The following MTR variants were observed in gnomAD, a reference collection of about 807,000 sequenced individuals.
MTR encodes the protein 5-methyltetrahydrofolate-homocysteine methyltransferase.
In MTR, 84 loss-of-function variants were observed where a neutral mutation model predicts 154.8. That is an observed-to-expected ratio of 0.54 (90% CI 0.45 to 0.65). The LOEUF is 0.65. MTR is among the 30% of genes least tolerant of loss of function. The probability of loss-of-function intolerance (pLI) is 0.00; values close to 1 mark genes in which losing one functional copy is unlikely to be tolerated. For synonymous variants in MTR, 554 were observed against 553.9 expected, an observed-to-expected ratio of 1.00 and a Z score of 0.00; for missense variants, 1,275 against 1,570.2, an observed-to-expected ratio of 0.81 and a Z score of 3.18.
At position 236,838,549 on chromosome 1, in the gene MTR, A is replaced by T; in HGVS notation, c.1465A>T (p.Lys489Ter). ...DDFLEKARKI[K>*]KYGAAMVVMA... is the part of the protein sequence containing the mutation. ...CTTCTTGGAGAAGGCCAGGAAGATT[A>T]AAAAGTATGGAGCTGCTATGGTGGT... Residue 489 changes from lysine (K) to a stop codon, truncating the protein, a stop_gained, in exon 15 of 33, where the codon AAA becomes TAA. Coordinates refer to ENST00000366577, the MANE Select transcript of MTR (RefSeq NM_000254.3). LOFTEE classifies it high-confidence loss of function. 3 of 1,614,150 alleles carry T rather than the reference A, an allele frequency of 1.9e-6. No individual in the cohort carries two copies. The highest frequency in any genetic ancestry group is 2.5e-6 in the Non-Finnish European group (3 of 1,180,012).
intron 18 of MTR, among the ~76,000 whole-genome samples, chr1:236,857,761 G>A (rs960798579): frequency 6.6e-6 from 1 of 152,170 alleles, no homozygotes; most frequent in Non-Finnish European, 1.5e-5. Context: ...CTGTGAGAGG[G>A]GAAGTGCAGG....
At chr1:236,857,696 C>T (rs1034192972) in intron 18 of MTR, among the ~76,000 whole-genome samples, 12 of 152,198 alleles carry the variant, frequency 7.9e-5, no homozygotes, top group African/African-American at 2.7e-4. Context: ...GAGCCTACAG[C>T]TCAGTGATAC....
rs756296008 is a variant in MTR, at chr1:236,825,413, C to T, written c.927+14C>T. The T allele has an allele frequency of 6.3e-7, 1 of 1,596,390 alleles. No individual in the cohort carries two copies. On this transcript the variant is annotated intron_variant, in intron 10 of 32. Coordinates refer to ENST00000366577, the MANE Select transcript of MTR (RefSeq NM_000254.3). ...AAGCACCTAAAGGTCAGGGGTCCCCCTTTCACTGGCTTTTTAAGAGAGACA... is the reference window on the plus strand; with the variant it reads ...AAGCACCTAAAGGTCAGGGGTCCCCTTTTCACTGGCTTTTTAAGAGAGACA...
At chr1:236,862,413 G>A in intron 21 of MTR, 70 bp downstream of exon 21, 1 of 1,254,358 alleles carries the variant, frequency 8.0e-7, no homozygotes. Flanking sequence ...GGTGGTAGGG[G>A]CCTAAGCAGT....
At chr1:236,847,409 A>C (rs561770445) in intron 15 of MTR, among the ~76,000 whole-genome samples, 5 of 152,326 alleles carry the variant, frequency 3.3e-5, no homozygotes, top group African/African-American at 9.6e-5. Context: ...TGACCAAATC[A>C]AAAATTGTTT....
Position 236,895,448 on chromosome 1 carries a change from C to A in MTR, c.3496C>A (p.Leu1166Met), listed in dbSNP as rs12030699. 6.9e-6 allele frequency: 11 copies of A among 1,600,994 alleles called. No homozygotes were observed. In the South Asian group the frequency reaches 1.2e-4, roughly 18 times the overall value. The change falls in exon 31 of 33, where the codon CTG becomes ATG. Residue 1166 changes from leucine to methionine, a missense_variant. By Grantham distance (15) the Leu-to-Met change is conservative. Coordinates refer to ENST00000366577, the MANE Select transcript of MTR (RefSeq NM_000254.3). ...EQLDVADLRR[L>M]RYKGIRPAPG... The stretch of plus-strand genomic sequence containing the variant: ...GCTGGACGTCGCAGACCTGCGCAGG[C>A]TGCGGTACAAGGGCATCCGCCCGGC...
intron 4 of MTR, 103 bp downstream of exon 4, chr1:236,808,876 T>TA: frequency 4.0e-6 from 4 of 1,004,130 alleles, no homozygotes; most frequent in Middle Eastern, 2.0e-4. Flanking sequence ...GCCTTTGGCT[T>TA]ACGAGTAACA....
rs373917526 is a variant in MTR at position 236,850,827 on chromosome 1, G to T, written c.1695+304G>T. Among the ~76,000 whole-genome samples the T allele has an allele frequency of 4.6e-5, 7 of 152,112 alleles. No individual in the cohort carries two copies. In the East Asian group the frequency reaches 7.7e-4, roughly 17 times the overall value. The stretch of plus-strand genomic sequence containing the variant: ...AGCCTGGGCGACAGAGTGAGGCCCT[G>T]CCTTGAACAAAATGATGCAAAACAA... On this transcript the variant is annotated intron_variant, in intron 16 of 32. Coordinates refer to ENST00000366577, the MANE Select transcript of MTR (RefSeq NM_000254.3).
intron 22 of MTR, among the ~76,000 whole-genome samples, chr1:236,871,601 G>A (rs142784990): frequency 1.1e-3 from 173 of 152,064 alleles, no homozygotes; most frequent in African/African-American, 4.0e-3. Flanking sequence ...ATATGTGACA[G>A]TCTATGCTTA....
intron 1 of MTR, chr1:236,800,198 C>T: frequency 1.0e-6 from 1 of 985,376 alleles, no homozygotes; most frequent in Non-Finnish European, 1.2e-6. Context: ...GGAAGAAGGA[C>T]ATGTAAATAA....
rs1019006526 is a variant in MTR at position 236,903,981 on chromosome 1, A to T, written c.*6337A>T. On this transcript the variant is annotated 3_prime_UTR_variant, in exon 33 of 33. Transcript: ENST00000366577. Reference sequence around the variant, plus strand: ...CATTAATTAAAAATATTTTAACCTGATATGATAGATTGTTGAATTTTTAAA... The same window carrying T: ...CATTAATTAAAAATATTTTAACCTGTTATGATAGATTGTTGAATTTTTAAA... 19 of 152,196 alleles carry T rather than the reference A, an allele frequency of 1.2e-4. No individual in the cohort carries two copies. Among genetic ancestry groups the T allele is most frequent in the Admixed American group, 9.2e-4 (14 of 15,288 alleles). 9.4% of individuals were successfully genotyped at this position (152,196 alleles called of 1,614,324 possible). A position where few individuals can be genotyped will look rare whatever the true frequency, so the allele number is the denominator to read the frequency against.
intron 1 of MTR, among the ~76,000 whole-genome samples, chr1:236,798,593 C>T (rs1030288555): frequency 6.6e-6 from 1 of 152,200 alleles, no homozygotes; most frequent in Non-Finnish European, 1.5e-5. Flanking sequence ...TGGGACTCTC[C>T]TCTGCACTGC....
At chr1:236,829,980 T>C (rs982037491) in intron 12 of MTR, among the ~76,000 whole-genome samples, 1 of 152,240 alleles carries the variant, frequency 6.6e-6, no homozygotes, top group Non-Finnish European at 1.5e-5. Flanking sequence ...TGAGGAATTA[T>C]GTTCCCTAAT....
chr1:236,880,573 A>G (rs914713306), intron 24 of MTR, among the ~76,000 whole-genome samples, 182 bp from the exon 25 acceptor site: 1 of 152,212 alleles, frequency 6.6e-6, no homozygotes, highest in African/African-American at 2.4e-5. Flanking sequence ...ATCTTAGGGT[A>G]GGGAAAAAGT....
At position 236,861,267 on chromosome 1, in the gene MTR, TTC is replaced by T; in HGVS notation, c.2188_2189del (p.Leu730ThrfsTer32). 6.2e-7 allele frequency: 1 copy of T among 1,613,968 alleles called. No individual in the cohort carries two copies. Among genetic ancestry groups the T allele is most frequent in the East Asian group, 2.2e-5 (1 of 44,844 alleles). On this transcript the variant is annotated frameshift_variant, in exon 20 of 33. Coordinates refer to ENST00000366577, the MANE Select transcript of MTR (RefSeq NM_000254.3). LOFTEE classifies it high-confidence loss of function. ...GATCTTTTTGGAGCTGGAAAAATGT[TTC>T]TACCTCAGGTTAGCAAAATATGGGG...
rs60444984 is a variant in MTR at position 236,838,273 on chromosome 1, T to G, written c.1330-141T>G. Reference sequence around the variant, plus strand: ...ATTTTGGGCTTAAAGAACAAGTATATTAAAATTCTATCTCTGACATACTAC... The same window carrying G: ...ATTTTGGGCTTAAAGAACAAGTATAGTAAAATTCTATCTCTGACATACTAC... On this transcript the variant is annotated intron_variant, in intron 14 of 32. Coordinates refer to ENST00000366577, the MANE Select transcript of MTR (RefSeq NM_000254.3). The G allele has an allele frequency of 1.6e-3, 1,340 of 846,804 alleles. 14 individuals are homozygous for G. In the African/African-American group the frequency reaches 0.02, roughly 13 times the overall value. The allele number at this position is 846,804 out of a possible 1,614,324, so 52.5% of individuals were successfully genotyped here. A position where few individuals can be genotyped will look rare whatever the true frequency, so the allele number is the denominator to read the frequency against.
chr1:236,854,482 A>G (rs893063141), intron 18 of MTR, among the ~76,000 whole-genome samples: 36 of 152,190 alleles, frequency 2.4e-4, no homozygotes, highest in African/African-American at 8.4e-4. Flanking sequence ...TTCTTTGAAC[A>G]TTGAGACATG....
chr1:236,856,696 G>T (rs946735661), intron 18 of MTR, among the ~76,000 whole-genome samples: 1 of 151,692 alleles, frequency 6.6e-6, no homozygotes, highest in Non-Finnish European at 1.5e-5. Flanking sequence ...CCAACCCCCC[G>T]ACAGGCCCTG....
intron 28 of MTR, among the ~76,000 whole-genome samples, chr1:236,890,686 A>G (rs528036753): frequency 1.1e-4 from 17 of 152,296 alleles, no homozygotes; most frequent in African/African-American, 3.1e-4. Context: ...CAAAATGTCA[A>G]TCGTTACGAA....
Sources: allele counts gnomAD v4.1 joint callset (sites outside exome capture counted in the v4.1 genomes callset), GRCh38; gene constraint gnomAD v4.1.1; transcripts MANE v1.5; gene names NCBI Gene and HGNC (gene_info 2026-07-23, HGNC 2026-07-21).